ZFAND4: variants seen among roughly 807,000 people sequenced by gnomAD.
The protein encoded by ZFAND4 is AN1-type zinc finger protein 4.
In ZFAND4, 43 loss-of-function variants were observed where a neutral mutation model predicts 64.4. The ratio of observed to expected loss-of-function variants is 0.67; its 90% CI spans 0.52 to 0.86. ZFAND4 has a LOEUF of 0.86. ZFAND4 is among the 40% of genes least tolerant of loss of function. The pLI, the probability that ZFAND4 is intolerant of heterozygous loss-of-function variation, is 0.00. For synonymous variants in ZFAND4, 296 were observed against 305.7 expected (o/e 0.97, Z 0.33); for missense variants, 929 against 859.8 (o/e 1.08, Z -1.01).
intron 4 of ZFAND4, 39 bp from the exon 5 acceptor site, chr10:45,648,573 C>G: frequency 6.4e-7 from 1 of 1,567,102 alleles, no homozygotes; most frequent in East Asian, 2.2e-5. Context: ...CAATTTGGAT[C>G]AAGTTTTATG....
At chr10:45,654,118 T>C (rs1350869688) in intron 2 of ZFAND4, among the ~76,000 whole-genome samples, 2 of 152,002 alleles carry the variant, frequency 1.3e-5, no homozygotes. Flanking sequence ...AGCTAAACAC[T>C]GAGTATATAT....
intron 2 of ZFAND4, among the ~76,000 whole-genome samples, chr10:45,660,755 A>C (rs769822126): frequency 3.3e-5 from 5 of 152,216 alleles, no homozygotes; most frequent in African/African-American, 7.2e-5. Context: ...ATAAGAAAAG[A>C]CTAGAGTGAA....
At chr10:45,653,145 A>G in intron 2 of ZFAND4, 86 bp from the exon 3 acceptor site, 1 of 971,436 alleles carries the variant, frequency 1.0e-6, no homozygotes, top group East Asian at 2.5e-5. Flanking sequence ...TCATTAAGGA[A>G]CTAAGAGCAC....
intron 2 of ZFAND4, among the ~76,000 whole-genome samples, chr10:45,656,223 G>A (rs566734762): frequency 2.2e-4 from 30 of 137,658 alleles, no homozygotes; most frequent in Non-Finnish European, 3.4e-4. Context: ...GCAAGACTCC[G>A]TTTCTAAAAA....
At chr10:45,647,977 A>G in intron 5 of ZFAND4, among the ~76,000 whole-genome samples, 1 of 152,206 alleles carries the variant, frequency 6.6e-6, no homozygotes, top group East Asian at 1.9e-4. Context: ...GCCTTTAAGG[A>G]GCAGAGTTAA....
Position 45,616,558 on chromosome 10 carries a change from A to C in ZFAND4, c.2062T>G (p.Phe688Val), listed in dbSNP as rs1160572217. 6 of 1,613,954 alleles carry C rather than the reference A, an allele frequency of 3.7e-6. No individual in the cohort carries two copies. The South Asian group carries it at 6.6e-5, about 18-fold the overall frequency. ...SSYECRCGNN[F>V]CASHRYAETH... Reference sequence around the variant, plus strand: ...TCTGCATAACGATGAGATGCACAGAAGTTGTTTCCACATCTAAAGCACAAA... The same window carrying C: ...TCTGCATAACGATGAGATGCACAGACGTTGTTTCCACATCTAAAGCACAAA... The change falls in exon 10 of 10, where the codon TTC (phenylalanine) becomes GTC (valine). Residue 688 changes from phenylalanine (F) to valine (V), a missense_variant. By Grantham distance (50) the Phe-to-Val change is conservative. Coordinates refer to ENST00000344646, the MANE Select transcript of ZFAND4 (RefSeq NM_174890.4).
intron 2 of ZFAND4, among the ~76,000 whole-genome samples, chr10:45,658,913 A>C (rs561519665): frequency 1.5e-4 from 23 of 152,352 alleles, no homozygotes; most frequent in African/African-American, 5.3e-4. Context: ...ACCGAAAACC[A>C]ACAACTTTTC....
intron 7 of ZFAND4, among the ~76,000 whole-genome samples, chr10:45,625,244 G>A (rs1378837748): frequency 4.6e-5 from 7 of 150,662 alleles, no homozygotes; most frequent in Non-Finnish European, 1.5e-5. Context: ...AGGCCCAGGC[G>A]GGTGGATCAC....
intron 5 of ZFAND4, among the ~76,000 whole-genome samples, chr10:45,642,607 CAA>C (rs531722370): frequency 1.2e-4 from 7 of 58,658 alleles, no homozygotes; most frequent in Middle Eastern, 0.013. Flanking sequence ...GACTCCATCT[CAA>C]AAAAAAAAAA....
At chr10:45,671,257 T>G (rs566835501) in intron 1 of ZFAND4, among the ~76,000 whole-genome samples, 1 of 152,326 alleles carries the variant, frequency 6.6e-6, no homozygotes, top group Non-Finnish European at 1.5e-5. Context: ...TCAACCGTTG[T>G]GGAAAACAGT....
At chr10:45,642,254 T>TTC (rs1463770536) in intron 5 of ZFAND4, among the ~76,000 whole-genome samples, 1 of 152,156 alleles carries the variant, frequency 6.6e-6, no homozygotes, top group Non-Finnish European at 1.5e-5. Context: ...AAAAGACCTA[T>TTC]TCTCTCATGG....
At chr10:45,636,044 A>T (rs911852661) in intron 6 of ZFAND4, among the ~76,000 whole-genome samples, 3 of 152,168 alleles carry the variant, frequency 2.0e-5, no homozygotes, top group Middle Eastern at 3.2e-3. Flanking sequence ...CAAAAATCCT[A>T]AAGAAAATAT....
In ZFAND4 at chr10:45,626,134, ACAAC is replaced by A; in HGVS notation, c.1685_1688del (p.Gly562ValfsTer2). The stretch of plus-strand genomic sequence containing the variant: ...AGGCAAGAAAACTGATATTATTTAC[ACAAC>A]CAACAGGCTCTTTGGAAGCCTTGTT... On this transcript the variant is annotated frameshift_variant, in exon 7 of 10. Coordinates refer to ENST00000344646, the MANE Select transcript of ZFAND4 (RefSeq NM_174890.4). LOFTEE classifies it high-confidence loss of function. The A allele has an allele frequency of 6.2e-7, 1 of 1,614,166 alleles. No individual in the cohort carries two copies. Among genetic ancestry groups the A allele is most frequent in the Non-Finnish European group, 8.5e-7 (1 of 1,180,038 alleles).
At position 45,626,436 on chromosome 10, in the gene ZFAND4, C is replaced by G. The variant is rs2133571907; in HGVS notation, c.1387G>C (p.Glu463Gln). ...AGTCTATTCTTGTGAGGACTTAATT[C>G]CCGGTAGTTAAGAACTGAAGTCTCT... ...SVETSVLNYR[E>Q]LSPHKNRLLS... Residue 463 changes from glutamate to glutamine, a missense_variant, in exon 7 of 10, where the codon GAA becomes CAA. Glu to Gln is a conservative substitution (Grantham distance 29). Coordinates refer to ENST00000344646, the MANE Select transcript of ZFAND4 (RefSeq NM_174890.4). 2 of 1,613,736 alleles carry G rather than the reference C, an allele frequency of 1.2e-6. No individual in the cohort carries two copies. The highest frequency in any genetic ancestry group is 1.6e-4 in the Middle Eastern group (1 of 6,062).
At position 45,618,179 on chromosome 10, in the gene ZFAND4, C is replaced by A; in HGVS notation, c.2009G>T (p.Cys670Phe). 1 of 1,613,492 alleles carries A rather than the reference C, an allele frequency of 6.2e-7. No individual in the cohort carries two copies. The highest frequency in any genetic ancestry group is 8.5e-7 in the Non-Finnish European group (1 of 1,179,820). Residue 670 changes from cysteine to phenylalanine, a missense_variant, in exon 9 of 10, where the codon TGT becomes TTT. By Grantham distance (205) the Cys-to-Phe change is radical. Transcript: ENST00000344646. ...ACTAGCCAGTCCTGTTTTCTTTCCA[C>A]AAAGAAAACAATGATTTGTTGTTTT... ...KKKTTNHCFL[C>F]GKKTGLASSY...
intron 1 of ZFAND4, among the ~76,000 whole-genome samples, chr10:45,666,951 T>C (rs1024319030): frequency 6.6e-6 from 1 of 152,202 alleles, no homozygotes; most frequent in Admixed American, 6.5e-5. Context: ...ATTTGTTCTT[T>C]TTAGATTGTT....
chr10:45,636,718 A>C (rs1281645732), intron 6 of ZFAND4, among the ~76,000 whole-genome samples: 1 of 152,182 alleles, frequency 6.6e-6, no homozygotes, highest in Non-Finnish European at 1.5e-5. Flanking sequence ...GCACTTAAAA[A>C]GAAATGTGTA....
At chr10:45,671,778 C>G (rs538068215) in intron 1 of ZFAND4, among the ~76,000 whole-genome samples, 1 of 151,374 alleles carries the variant, frequency 6.6e-6, no homozygotes, top group African/African-American at 2.4e-5. Context: ...ACATGTATAG[C>G]TATGTACCAA....
intron 2 of ZFAND4, among the ~76,000 whole-genome samples, chr10:45,658,151 G>A (rs1289250872): frequency 6.6e-6 from 1 of 152,158 alleles, no homozygotes; most frequent in East Asian, 1.9e-4. Context: ...ACAGAATCTT[G>A]ACATATGTAT....
Sources: gnomAD v4.1 joint callset for allele counts (sites outside exome capture counted in the v4.1 genomes callset) on GRCh38, gnomAD v4.1.1 for gene constraint, MANE v1.5 for transcripts, NCBI Gene and HGNC (gene_info 2026-07-23, HGNC 2026-07-21) for gene names.